ITGA8: variants seen among roughly 807,000 people sequenced by gnomAD.
ITGA8 encodes the protein integrin alpha-8.
ITGA8 carries 91 observed loss-of-function variants against 142.3 expected under a neutral mutation model. The ratio of observed to expected loss-of-function variants is 0.64; its 90% CI spans 0.54 to 0.76. The LOEUF (loss-of-function observed/expected upper bound fraction) is 0.76, where lower values mean the gene tolerates loss of function less well. ITGA8 is among the 30% of genes least tolerant of loss of function. The pLI is 0.00. For synonymous variants in ITGA8, 505 were observed against 485.2 expected, an observed-to-expected ratio of 1.04 and a Z score of -0.54; for missense variants, 1,406 against 1,327.7, an observed-to-expected ratio of 1.06 and a Z score of -0.92.
At chr10:15,624,773 G>T (rs45526844) in intron 13 of ITGA8, among the ~76,000 whole-genome samples, 7 of 152,116 alleles carry the variant, frequency 4.6e-5, no homozygotes, top group Non-Finnish European at 8.8e-5. Context: ...CCAACCCAAG[G>T]TTGGCTCACT....
intron 3 of ITGA8, 87 bp from the exon 4 acceptor site, chr10:15,684,214 G>T: frequency 7.2e-7 from 1 of 1,390,748 alleles, no homozygotes; most frequent in Non-Finnish European, 9.8e-7. Flanking sequence ...ATAACAAACT[G>T]TTAAATTATT....
chr10:15,718,536 G>A (rs1835495325), intron 2 of ITGA8, among the ~76,000 whole-genome samples: 1 of 152,114 alleles, frequency 6.6e-6, no homozygotes, highest in Non-Finnish European at 1.5e-5. Flanking sequence ...GGATGCATCC[G>A]AACACTCAGG....
At chr10:15,719,482 G>T in intron 1 of ITGA8, 81 bp downstream of exon 1, 1 of 1,302,982 alleles carries the variant, frequency 7.7e-7, no homozygotes, top group Non-Finnish European at 1.0e-6. Flanking sequence ...GGCTGCGGGG[G>T]GACTCCGCGG....
rs142222990 is a variant in ITGA8 at position 15,578,616 on chromosome 10, T to G, written c.2373-3022A>C. ...GTGCTGTGAATCCTGTTTCAAATCC[T>G]TGTTTTCAAACCCTATCATTCCCAA... On this transcript the variant is annotated intron_variant, in intron 23 of 29. Transcript: ENST00000378076. 1.1e-3 allele frequency among the ~76,000 whole-genome samples: 174 copies of G among 152,282 alleles called. 6 individuals carry two copies. The East Asian group carries it at 0.028, about 25-fold the overall frequency.
chr10:15,548,544 G>A lies in ITGA8; in HGVS notation c.2791C>T (p.Gln931Ter), dbSNP rs768390214. Residue 931 changes from glutamine (Q) to a stop codon, truncating the protein, a stop_gained, in exon 27 of 30, where the codon CAA becomes TAA. Coordinates refer to ENST00000378076, the MANE Select transcript of ITGA8 (RefSeq NM_003638.3). LOFTEE classifies it high-confidence loss of function. ...ILNCTNIECLQISCAVGRLEG... is the reference protein window; with the variant it reads ...ILNCTNIECL ...AGTCGTCCCACTGCACAGGAGATTT[G>A]TAAACACTCGATATTTGTACAATTC... is the stretch of plus-strand genomic sequence containing the variant. 1.2e-6 allele frequency: 2 copies of A among 1,610,408 alleles called. No individual in the cohort carries two copies. Among genetic ancestry groups the A allele is most frequent in the Non-Finnish European group, 1.7e-6 (2 of 1,178,716 alleles).
intron 20 of ITGA8, among the ~76,000 whole-genome samples, chr10:15,603,410 C>T (rs1169426159): frequency 6.6e-6 from 1 of 152,138 alleles, no homozygotes; most frequent in East Asian, 1.9e-4. Flanking sequence ...ATTTAAGGAG[C>T]ACCTACTCTA....
rs147345767 is a variant in ITGA8 at position 15,640,218 on chromosome 10, C to T, written c.1399+3812G>A. On this transcript the variant is annotated intron_variant, in intron 13 of 29. Transcript: ENST00000378076. ...AAACAAAGGGCCTCAATCCCCTCTA[C>T]GGCCCGTGTTCCACGGGACCGACCT... is the stretch of plus-strand genomic sequence containing the variant. Among the ~76,000 whole-genome samples, 206 of 152,336 alleles carry T rather than the reference C, an allele frequency of 1.4e-3. 3 individuals carry two copies. In the East Asian group the frequency reaches 0.016, roughly 12 times the overall value.
At chr10:15,680,439 ATTTATGG>A (rs1834716660) in intron 4 of ITGA8, among the ~76,000 whole-genome samples, 1 of 151,828 alleles carries the variant, frequency 6.6e-6, no homozygotes, top group African/African-American at 2.4e-5. Context: ...ATATTTCATG[ATTTATGG>A]TCATGAATCC....
intron 14 of ITGA8, among the ~76,000 whole-genome samples, chr10:15,615,544 C>T (rs1446738364): frequency 4.6e-5 from 7 of 152,182 alleles, no homozygotes; most frequent in Non-Finnish European, 8.8e-5. Flanking sequence ...GATGGAGTCT[C>T]ACTCTGTCTT....
Position 15,694,257 on chromosome 10 carries a change from T to TC in ITGA8, c.344-6220_344-6219insG, listed in dbSNP as rs1554788460. ...ATAATATATCATATATATGATAACA[T>TC]ATACATCAGATAATATATCATACAT... On this transcript the variant is annotated intron_variant, in intron 2 of 29. Transcript: ENST00000378076. 6.3e-4 allele frequency among the ~76,000 whole-genome samples: 60 copies of TC among 95,384 alleles called. 1 individual carries two copies. The highest frequency in any genetic ancestry group is 2.1e-3 in the African/African-American group (60 of 28,372). 62.6% of individuals were successfully genotyped at this position (95,384 alleles called of 152,430 possible).
At chr10:15,555,414 A>G (rs1833869371) in intron 26 of ITGA8, among the ~76,000 whole-genome samples, 1 of 152,210 alleles carries the variant, frequency 6.6e-6, no homozygotes, top group Admixed American at 6.5e-5. Flanking sequence ...CATGTTGAGA[A>G]AACAACACTG....
intron 7 of ITGA8, 85 bp downstream of exon 7, chr10:15,672,539 G>A (rs982529242): frequency 2.9e-5 from 41 of 1,434,002 alleles, no homozygotes; most frequent in Non-Finnish European, 3.4e-5. Flanking sequence ...AAATAACATC[G>A]GATAAGTCAG....
chr10:15,689,265 A>T (rs1564409951), intron 2 of ITGA8, among the ~76,000 whole-genome samples: 1 of 152,210 alleles, frequency 6.6e-6, no homozygotes, highest in Non-Finnish European at 1.5e-5. Context: ...CCTTACAAAA[A>T]AGGACCAAAA....
intron 2 of ITGA8, among the ~76,000 whole-genome samples, chr10:15,701,448 C>T (rs1835161959): frequency 6.6e-6 from 1 of 152,010 alleles, no homozygotes; most frequent in Admixed American, 6.5e-5. Flanking sequence ...CCATTTCTGG[C>T]CTTTGAAGCT....
At chr10:15,533,719 C>G (rs59882383) in intron 27 of ITGA8, among the ~76,000 whole-genome samples, 8,335 of 152,188 alleles carry the variant, frequency 0.055, 724 homozygotes, top group African/African-American at 0.19. Context: ...AGATGGAACG[C>G]TTTTCTCTTA....
At chr10:15,632,396 G>T (rs1331683795) in intron 13 of ITGA8, among the ~76,000 whole-genome samples, 1 of 152,194 alleles carries the variant, frequency 6.6e-6, no homozygotes, top group Non-Finnish European at 1.5e-5. Context: ...CTGGAAAAAA[G>T]TCAGATATTA....
chr10:15,697,457 G>T (rs1392282041), intron 2 of ITGA8, among the ~76,000 whole-genome samples: 1 of 152,170 alleles, frequency 6.6e-6, no homozygotes, highest in Non-Finnish European at 1.5e-5. Context: ...CCACCATCAG[G>T]AATTAAATGT....
intron 25 of ITGA8, among the ~76,000 whole-genome samples, chr10:15,571,916 T>A (rs967913458): frequency 6.6e-6 from 1 of 152,260 alleles, no homozygotes; most frequent in Admixed American, 6.5e-5. Context: ...TGTCTATTTA[T>A]GATTTTGGTT....
intron 15 of ITGA8, among the ~76,000 whole-genome samples, chr10:15,609,411 G>A (rs750593138): frequency 4.6e-5 from 7 of 152,128 alleles, no homozygotes; most frequent in Non-Finnish European, 8.8e-5. Context: ...CTTTAATTAT[G>A]TGTCAGCTTC....
Sources: gnomAD v4.1 joint callset for allele counts (sites outside exome capture counted in the v4.1 genomes callset) on GRCh38, gnomAD v4.1.1 for gene constraint, MANE v1.5 for transcripts, NCBI Gene and HGNC (gene_info 2026-07-23, HGNC 2026-07-21) for gene names.